Variants in CLVS1 observed in about 807,000 individuals in gnomAD.
CLVS1 encodes clavesin-1.
Under a neutral mutation model 33.1 loss-of-function variants are expected in CLVS1, and 10 were observed. The ratio of observed to expected loss-of-function variants is 0.30; its 90% CI spans 0.19 to 0.51. The LOEUF is 0.51. CLVS1 is among the 20% of genes least tolerant of loss of function. The pLI is 0.97. For missense variants in CLVS1, 343 were observed against 433.4 expected (o/e 0.79, Z 1.85); for synonymous variants, 163 against 166.1 (o/e 0.98, Z 0.14).
the CLVS1 span, among the ~76,000 whole-genome samples, chr8:60,998,035 T>A: frequency 6.6e-6 from 1 of 152,084 alleles, no homozygotes; most frequent in Non-Finnish European, 1.5e-5. Flanking sequence ...TTCCTCTTTT[T>A]AAGAAAAACA....
intron 1 of CLVS1, among the ~76,000 whole-genome samples, chr8:61,087,137 G>A (rs1321997172): frequency 2.0e-5 from 3 of 152,166 alleles, no homozygotes; most frequent in Non-Finnish European, 2.9e-5. Context: ...GAGCTGTTCT[G>A]GACAGGACAA....
chr8:61,353,691 T>C (rs1268407960), intron 2 of CLVS1, among the ~76,000 whole-genome samples: 1 of 141,962 alleles, frequency 7.0e-6, no homozygotes. Context: ...TAAGGAAGAA[T>C]GAAACAAAAT....
At chr8:61,352,994 C>A (rs989174828) in intron 2 of CLVS1, among the ~76,000 whole-genome samples, 2 of 151,922 alleles carry the variant, frequency 1.3e-5, no homozygotes, top group African/African-American at 4.8e-5. Flanking sequence ...ATCCTGGAAC[C>A]AATTTCCTGT....
chr8:61,241,434 CT>C (rs776917606), intron 2 of CLVS1, among the ~76,000 whole-genome samples: 1 of 151,798 alleles, frequency 6.6e-6, no homozygotes, highest in Non-Finnish European at 1.5e-5. Context: ...AGTTTGCTAA[CT>C]TTTTTTAATG....
At chr8:61,458,258 C>A (rs376375169) in intron 4 of CLVS1, 49 bp from the exon 5 acceptor site, 1 of 1,339,330 alleles carries the variant, frequency 7.5e-7, no homozygotes, top group Non-Finnish European at 1.1e-6. Context: ...AATCTTTGGT[C>A]GTATGTTTTG....
At chr8:61,244,102 C>T (rs898927944) in intron 2 of CLVS1, among the ~76,000 whole-genome samples, 1 of 152,068 alleles carries the variant, frequency 6.6e-6, no homozygotes, top group Non-Finnish European at 1.5e-5. Context: ...GAGGTCGAAC[C>T]AAATGACTGC....
intron 2 of CLVS1, among the ~76,000 whole-genome samples, chr8:61,374,480 A>C (rs1351890159): frequency 6.6e-6 from 1 of 152,214 alleles, no homozygotes; most frequent in Non-Finnish European, 1.5e-5. Flanking sequence ...AATTGCCTAA[A>C]TTCATAATCT....
At chr8:61,239,302 A>G (rs755657974) in intron 2 of CLVS1, among the ~76,000 whole-genome samples, 1 of 152,224 alleles carries the variant, frequency 6.6e-6, no homozygotes, top group Non-Finnish European at 1.5e-5. Context: ...GACATTGCTT[A>G]ACGTTGGTGG....
intron 5 of CLVS1, among the ~76,000 whole-genome samples, chr8:61,467,136 T>C (rs1175217168): frequency 6.6e-6 from 1 of 152,184 alleles, no homozygotes. Context: ...GTAAATTTTG[T>C]CCTGTGATTT....
chr8:61,016,209 G>A, the CLVS1 span, among the ~76,000 whole-genome samples: 1 of 152,198 alleles, frequency 6.6e-6, no homozygotes, highest in South Asian at 2.1e-4. Context: ...TCATCCCCAA[G>A]ATATCTCATT....
intron 2 of CLVS1, among the ~76,000 whole-genome samples, chr8:61,190,792 T>C (rs1303140142): frequency 3.3e-5 from 5 of 152,186 alleles, no homozygotes; most frequent in African/African-American, 1.2e-4. Flanking sequence ...CATAAATTCC[T>C]GGACACATAC....
rs1460252234 is a variant in CLVS1 at position 61,300,068 on chromosome 8, C to T, written c.241C>T (p.Arg81Ter). The T allele has an allele frequency of 6.2e-7, 1 of 1,613,958 alleles. No homozygotes were observed. The highest frequency in any genetic ancestry group is 8.5e-7 in the Non-Finnish European group (1 of 1,179,954). ...TGATGCCTTCATCCTGAGATTTCTC[C>T]GAGCCAGGAAGTTTCACCAAGCGGA... ...TDDAFILRFLRARKFHQADAF... is the reference protein window; with the variant it reads ...TDDAFILRFL Residue 81 changes from arginine to a stop codon, truncating the protein, a stop_gained, in exon 2 of 6, where the codon CGA becomes TGA. Coordinates refer to ENST00000325897, the MANE Select transcript of CLVS1 (RefSeq NM_173519.3). LOFTEE classifies it high-confidence loss of function.
At chr8:61,288,638 C>CA (rs1181141812) in intron 1 of CLVS1, among the ~76,000 whole-genome samples, 9 of 152,308 alleles carry the variant, frequency 5.9e-5, no homozygotes, top group East Asian at 5.8e-4. Flanking sequence ...AGCAGTTAGC[C>CA]AGCTGCCTTT....
At chr8:61,242,051 T>G (rs1808707847) in intron 2 of CLVS1, among the ~76,000 whole-genome samples, 1 of 152,168 alleles carries the variant, frequency 6.6e-6, no homozygotes, top group Admixed American at 6.5e-5. Context: ...TACTTTTTTT[T>G]TTGTTCTGGC....
At chr8:61,073,624 CTT>C (rs1028895677) in intron 1 of CLVS1, among the ~76,000 whole-genome samples, 1 of 151,946 alleles carries the variant, frequency 6.6e-6, no homozygotes, top group Non-Finnish European at 1.5e-5. Context: ...TTTATTATAA[CTT>C]AAATAATATC....
the CLVS1 span, among the ~76,000 whole-genome samples, chr8:61,033,212 C>T: frequency 1.3e-5 from 2 of 151,932 alleles, no homozygotes; most frequent in Non-Finnish European, 2.9e-5. Flanking sequence ...ATCTGTGTCT[C>T]AAAACAAAAC....
chr8:61,013,295 C>T, the CLVS1 span, among the ~76,000 whole-genome samples: 1 of 152,224 alleles, frequency 6.6e-6, no homozygotes, highest in East Asian at 1.9e-4. Context: ...GCAGGGGGCT[C>T]CTTCCCAGCC....
At position 61,151,119 on chromosome 8, in the gene CLVS1, G is replaced by GT. The variant is rs138641314; in HGVS notation, c.-152+19260dup. Among the ~76,000 whole-genome samples, 1,185 of 152,282 alleles carry GT rather than the reference G, an allele frequency of 7.8e-3. 5 individuals are homozygous for GT. The highest frequency in any genetic ancestry group is 0.012 in the Non-Finnish European group (828 of 68,016). ...AGTGGCAAGACAGGCACAAACTCTC[G>GT]TATCTACTTATAGGCAACAGAAAGG... On this transcript the variant is annotated intron_variant, in intron 2 of 2. Coordinates refer to the CLVS1 transcript ENST00000522621.
chr8:61,319,450 C>T (rs1811121076), intron 2 of CLVS1, among the ~76,000 whole-genome samples: 1 of 152,198 alleles, frequency 6.6e-6, no homozygotes, highest in South Asian at 2.1e-4. Context: ...ATGTTCTCTT[C>T]ACTCCTGTTA....
Sources: gnomAD v4.1 joint callset for allele counts (sites outside exome capture counted in the v4.1 genomes callset) on GRCh38, gnomAD v4.1.1 for gene constraint, MANE v1.5 for transcripts, NCBI Gene and HGNC (gene_info 2026-07-23, HGNC 2026-07-21) for gene names.